EMSY: variants seen among roughly 807,000 people sequenced by gnomAD.
EMSY encodes the protein BRCA2-interacting transcriptional repressor EMSY.
Under a neutral mutation model 134.6 loss-of-function variants are expected in EMSY, and 26 were observed. The ratio of observed to expected loss-of-function variants is 0.19; its 90% confidence interval spans 0.14 to 0.27. EMSY has a LOEUF of 0.27. Ranked by LOEUF, EMSY falls within the 10% of genes least tolerant of loss-of-function variation. The pLI is 1.00. For synonymous variants in EMSY, 579 were observed against 577.8 expected (o/e 1.00, Z -0.03); for missense variants, 1,305 against 1,611.4 (o/e 0.81, Z 3.26).
At position 76,550,400 on chromosome 11, in the gene EMSY, T is replaced by C. The variant is rs144964299; in HGVS notation, c.*254T>C. On this transcript the variant is annotated 3_prime_UTR_variant, in exon 21 of 21. Coordinates refer to ENST00000334736, the Ensembl canonical transcript of EMSY. ...ACATTTACAGTGACTTAAGACCTGG[T>C]CTTCTTTCTCTGTTGGATCATGGCC... 1.5e-4 allele frequency: 42 copies of C among 285,652 alleles called. 1 individual carries two copies. The East Asian group carries it at 2.5e-3, about 17-fold the overall frequency. 17.7% of individuals were successfully genotyped at this position (285,652 alleles called of 1,614,324 possible).
At chr11:76,488,542 T>G (rs538506272) in intron 8 of EMSY, among the ~76,000 whole-genome samples, 8 of 152,244 alleles carry the variant, frequency 5.3e-5, no homozygotes, top group South Asian at 2.1e-4. Context: ...TTTGTTTTTT[T>G]TTTTATTTTT....
At chr11:76,469,697 T>C (rs1206102414) in intron 7 of EMSY, among the ~76,000 whole-genome samples, 2 of 152,152 alleles carry the variant, frequency 1.3e-5, no homozygotes, top group Non-Finnish European at 2.9e-5. Context: ...GCAAGGTAGG[T>C]ATTATTATCC....
At chr11:76,464,836 C>A (rs1948286190) in intron 7 of EMSY, among the ~76,000 whole-genome samples, 1 of 152,118 alleles carries the variant, frequency 6.6e-6, no homozygotes, top group Non-Finnish European at 1.5e-5. Context: ...ATTCTACCTT[C>A]CCACTTTTTT....
At chr11:76,507,274 T>C (rs1950112103) in intron 9 of EMSY, among the ~76,000 whole-genome samples, 1 of 152,210 alleles carries the variant, frequency 6.6e-6, no homozygotes, top group Non-Finnish European at 1.5e-5. Context: ...GGTTGGTGGA[T>C]ACTGAAGGTT....
chr11:76,455,006 T>G (rs1489853229), intron 4 of EMSY, among the ~76,000 whole-genome samples: 1 of 151,974 alleles, frequency 6.6e-6, no homozygotes, highest in Admixed American at 6.6e-5. Context: ...GGAGAGGAGG[T>G]GAAAATTTTA....
intron 13 of EMSY, among the ~76,000 whole-genome samples, chr11:76,527,500 A>G (rs1461700178): frequency 1.3e-5 from 2 of 152,182 alleles, no homozygotes; most frequent in African/African-American, 4.8e-5. Flanking sequence ...AAACAAAAAT[A>G]ATTATGAGTT....
intron 14 of EMSY, among the ~76,000 whole-genome samples, chr11:76,532,568 A>C (rs1256980644): frequency 1.3e-5 from 2 of 152,066 alleles, no homozygotes; most frequent in African/African-American, 4.8e-5. Flanking sequence ...TCATTTGGGA[A>C]TGGGGTAGCC....
At chr11:76,470,932 C>T (rs761933327) in intron 7 of EMSY, among the ~76,000 whole-genome samples, 1 of 152,086 alleles carries the variant, frequency 6.6e-6, no homozygotes, top group Non-Finnish European at 1.5e-5. Context: ...AATGATTTGT[C>T]ACTAAATCAT....
chr11:76,472,491 ATAAC>A (rs1183019175), intron 7 of EMSY, 69 bp from the exon 9 acceptor site: 25 of 1,342,232 alleles, frequency 1.9e-5, no homozygotes, highest in African/African-American at 6.0e-5. Context: ...TAAATTATAT[ATAAC>A]TAACTGTGAG....
intron 1 of EMSY, among the ~76,000 whole-genome samples, chr11:76,445,528 G>C (rs930032662): frequency 1.2e-4 from 19 of 152,260 alleles, no homozygotes; most frequent in Admixed American, 1.2e-3. Context: ...AGCCTGGGCT[G>C]GCTGCTCTTG....
At chr11:76,492,844 T>G (rs1385733554) in intron 8 of EMSY, among the ~76,000 whole-genome samples, 1 of 152,120 alleles carries the variant, frequency 6.6e-6, no homozygotes, top group East Asian at 1.9e-4. Flanking sequence ...TAGCACACAC[T>G]CAGGTGGAGT....
chr11:76,448,233 C>G (rs561248272), intron 2 of EMSY, among the ~76,000 whole-genome samples: 394 of 152,270 alleles, frequency 2.6e-3, no homozygotes, highest in African/African-American at 9.1e-3. Context: ...TTATTCCACC[C>G]AAGGCCACTA....
At chr11:76,511,586 C>T (rs1950278787) in intron 9 of EMSY, among the ~76,000 whole-genome samples, 1 of 151,904 alleles carries the variant, frequency 6.6e-6, no homozygotes, top group African/African-American at 2.4e-5. Flanking sequence ...TGTAATCCCA[C>T]CTACTCGGGA....
Position 76,492,610 on chromosome 11 carries a change from G to A in EMSY, c.1109-3605G>A, listed in dbSNP as rs574707228. Among the ~76,000 whole-genome samples, 207 of 152,346 alleles carry A rather than the reference G, an allele frequency of 1.4e-3. 2 individuals carry two copies. The highest frequency in any genetic ancestry group is 4.8e-3 in the African/African-American group (201 of 41,572). On this transcript the variant is annotated intron_variant, in intron 8 of 20. Transcript: ENST00000334736. ...GGCAGCGGTGGCCCATCTGGTAGCTGCTGCAGAGATGCTGCAGTGGGGGAG... is the reference window on the plus strand; with the variant it reads ...GGCAGCGGTGGCCCATCTGGTAGCTACTGCAGAGATGCTGCAGTGGGGGAG...
intron 9 of EMSY, among the ~76,000 whole-genome samples, chr11:76,498,080 T>C (rs1165759356): frequency 6.6e-6 from 1 of 152,202 alleles, no homozygotes; most frequent in Non-Finnish European, 1.5e-5. Context: ...CTTTGACCCA[T>C]GGATTATTTA....
intron 2 of EMSY, among the ~76,000 whole-genome samples, chr11:76,450,132 T>C (rs1425339000): frequency 2.0e-5 from 3 of 151,832 alleles, no homozygotes; most frequent in African/African-American, 7.3e-5. Flanking sequence ...CTACGCTAGA[T>C]GATGTATTTC....
intron 8 of EMSY, among the ~76,000 whole-genome samples, chr11:76,475,496 TTAAG>T (rs1948738886): frequency 6.6e-6 from 1 of 152,200 alleles, no homozygotes; most frequent in South Asian, 2.1e-4. Context: ...TCTTTGAGCC[TTAAG>T]TAATTATAGG....
chr11:76,487,789 C>T (rs760570220), intron 8 of EMSY, among the ~76,000 whole-genome samples: 74 of 152,188 alleles, frequency 4.9e-4, no homozygotes, highest in Non-Finnish European at 7.5e-4. Flanking sequence ...CGAGGTACCT[C>T]GTTATGCCTA....
At chr11:76,516,422 C>T (rs1211997853) in intron 11 of EMSY, 110 bp downstream of exon 12, 2 of 815,006 alleles carry the variant, frequency 2.5e-6, no homozygotes, top group South Asian at 5.9e-5. Context: ...GCTTAGAAAT[C>T]TAAAGCTTTG....
Sources: allele counts gnomAD v4.1 joint callset (sites outside exome capture counted in the v4.1 genomes callset), GRCh38; gene constraint gnomAD v4.1.1; transcripts MANE v1.5; gene names NCBI Gene and HGNC (gene_info 2026-07-23, HGNC 2026-07-21).